EMC3: variants seen among roughly 807,000 people sequenced by gnomAD.
EMC3 encodes ER membrane protein complex subunit 3, also known as 30 kDa protein.
In EMC3, 13 loss-of-function variants were observed where a neutral mutation model predicts 36.6. The observed-to-expected ratio is 0.35, with a 90% CI of 0.23 to 0.56. The LOEUF (loss-of-function observed/expected upper bound fraction) is 0.56, where lower values mean the gene tolerates loss of function less well. EMC3 is among the 20% of genes least tolerant of loss of function. The pLI is 0.84. For missense variants in EMC3, 220 were observed against 324.5 expected, an observed-to-expected ratio of 0.68 and a Z score of 2.47; for synonymous variants, 120 against 111.9, an observed-to-expected ratio of 1.07 and a Z score of -0.46.
chr3:9,970,786 A>C, intron 5 of EMC3, 125 bp from the exon 6 acceptor site: 4 of 797,412 alleles, frequency 5.0e-6, no homozygotes, highest in African/African-American at 3.4e-5. Flanking sequence ...GGCTATATTC[A>C]TCCAAAGCAC....
At chr3:9,966,568 ACT>A (rs1169271369) in intron 7 of EMC3, among the ~76,000 whole-genome samples, 1 of 136,572 alleles carries the variant, frequency 7.3e-6, no homozygotes, top group Non-Finnish European at 1.6e-5. Context: ...GAGTGATCTC[ACT>A]CTGTCACCCA....
At chr3:9,977,702 G>A (rs900959944) in intron 1 of EMC3, among the ~76,000 whole-genome samples, 3 of 152,148 alleles carry the variant, frequency 2.0e-5, no homozygotes, top group Admixed American at 2.0e-4. Context: ...AGGTACATTT[G>A]GGACATTACA....
upstream of EMC3, chr3:9,987,025 C>A (rs1459525749): frequency 3.9e-6 from 4 of 1,022,452 alleles, no homozygotes; most frequent in African/African-American, 3.4e-5. Context: ...ACCATCCTGG[C>A]TAACAGGTGA....
At chr3:10,006,507 A>G (rs2086263286) in intron 1 of EMC3, 1 of 153,730 alleles carries the variant, frequency 6.5e-6, no homozygotes, top group Non-Finnish European at 1.4e-5. Context: ...GGAATGAGGA[A>G]ATCCCACTAC....
At position 9,972,317 on chromosome 3, in the gene EMC3, G is replaced by T. The variant is rs58206922; in HGVS notation, c.494+1311C>A. Among the ~76,000 whole-genome samples, 1,441 of 152,076 alleles carry T rather than the reference G, an allele frequency of 9.5e-3. 23 individuals are homozygous for T. The highest frequency in any genetic ancestry group is 0.032 in the African/African-American group (1,325 of 41,476). On this transcript the variant is annotated intron_variant, in intron 5 of 7. Transcript: ENST00000245046. ...TGGCCAGAATTCCTGGCTTAAACTTGTAACTTTCTGGGGGTTGATACATCC... is the reference window on the plus strand; with the variant it reads ...TGGCCAGAATTCCTGGCTTAAACTTTTAACTTTCTGGGGGTTGATACATCC...
chr3:10,010,973 G>A (rs1283056095), intron 1 of EMC3: 1 of 152,386 alleles, frequency 6.6e-6, no homozygotes, highest in African/African-American at 2.4e-5. Context: ...CCCATGGGAA[G>A]ATCCGGGGGC....
rs889622490 is a variant in EMC3, at chr3:10,008,280, TCTC to T, written c.-242+2740_-242+2742del. The T allele has an allele frequency of 1.8e-5, 12 of 655,732 alleles. 1 individual carries two copies. The highest frequency in any genetic ancestry group is 1.1e-4 in the East Asian group (2 of 18,002). The allele number at this position is 655,732 out of a possible 1,614,324, so 40.6% of individuals were successfully genotyped here. ...CTGTGACCTGTGGTAGAGCTTGACA[TCTC>T]CTCTTCAGAAGCCAGGGCTTCCAGC... On this transcript the variant is annotated intron_variant, in intron 1 of 8. Transcript: ENST00000470827.
At chr3:9,972,834 T>C (rs2085801522) in intron 5 of EMC3, among the ~76,000 whole-genome samples, 1 of 89,046 alleles carries the variant, frequency 1.1e-5, no homozygotes, top group South Asian at 3.8e-4. Flanking sequence ...ATCCTCATCT[T>C]TTTTTTTTTT....
At chr3:9,968,808 C>T (rs542241691) in intron 7 of EMC3, 1 of 149,492 alleles carries the variant, frequency 6.7e-6, no homozygotes, top group East Asian at 1.9e-4. Flanking sequence ...CCGTGCCCAG[C>T]TCATTTTTGT....
chr3:9,999,310 C>T (rs1366339810), intron 1 of EMC3, among the ~76,000 whole-genome samples: 4 of 150,398 alleles, frequency 2.7e-5, no homozygotes, highest in Non-Finnish European at 4.4e-5. Context: ...GGTACGATCT[C>T]GACTCTCTGC....
chr3:9,997,228 CTTCT>C (rs1381902914), intron 1 of EMC3, among the ~76,000 whole-genome samples: 66 of 151,410 alleles, frequency 4.4e-4, no homozygotes, highest in Admixed American at 9.9e-4. Flanking sequence ...TTTTCTTTTC[CTTCT>C]TTCTTTTTTT....
chr3:9,975,327 G>T (rs1342808394), intron 3 of EMC3, among the ~76,000 whole-genome samples: 1 of 152,152 alleles, frequency 6.6e-6, no homozygotes, highest in African/African-American at 2.4e-5. Context: ...TTCCGTAAGA[G>T]AATTTCTTAG....
In EMC3 at chr3:9,963,477, A is replaced by ATATATATATATAT. The variant is rs61596273; in HGVS notation, c.*591_*592insATATATATATATA. 1.1e-4 allele frequency: 10 copies of ATATATATATATAT among 88,930 alleles called. No homozygotes were observed. Among genetic ancestry groups the ATATATATATATAT allele is most frequent in the Non-Finnish European group, 1.7e-4 (8 of 46,272 alleles). 5.5% of individuals were successfully genotyped at this position (88,930 alleles called of 1,614,324 possible). ...TAGATATATATATATATATATATATATTTTTTTTTTTTTTTCAGATGGAGT... is the reference window on the plus strand; with the variant it reads ...TAGATATATATATATATATATATATATATATATATATATTTTTTTTTTTTTTTTCAGATGGAGT... On this transcript the variant is annotated 3_prime_UTR_variant, in exon 8 of 8. Transcript: ENST00000245046.
chr3:10,009,020 C>G (rs2086295079), intron 1 of EMC3: 1 of 154,722 alleles, frequency 6.5e-6, no homozygotes, highest in Non-Finnish European at 1.4e-5. Flanking sequence ...ACTGGTGGGA[C>G]TATCACTAAG....
At chr3:10,000,134 C>T (rs752678289) in intron 1 of EMC3, among the ~76,000 whole-genome samples, 5 of 152,018 alleles carry the variant, frequency 3.3e-5, no homozygotes, top group Non-Finnish European at 7.4e-5. Context: ...CTCTGCCTTC[C>T]GGGTTCAAGC....
At chr3:9,984,894 G>C (rs990868672) in intron 1 of EMC3, among the ~76,000 whole-genome samples, 33 of 152,358 alleles carry the variant, frequency 2.2e-4, no homozygotes, top group African/African-American at 7.9e-4. Flanking sequence ...GGGTGGGATG[G>C]AACTTGTTAA....
chr3:9,973,720 GA>G lies in EMC3; in HGVS notation c.413-12del. The G allele has an allele frequency of 6.2e-7, 1 of 1,612,166 alleles. No homozygotes were observed. Among genetic ancestry groups the G allele is most frequent in the East Asian group, 2.2e-5 (1 of 44,882 alleles). On this transcript the variant is annotated splice_polypyrimidine_tract_variant and intron_variant, in intron 4 of 7. Transcript: ENST00000245046. ...GAAATGGGACCTTGGCTGCAGAGAA[GA>G]AAAAGTTCACAATCACTCTGAGCTG...
chr3:10,007,369 T>A (rs532545667), intron 1 of EMC3: 3 of 1,362,896 alleles, frequency 2.2e-6, no homozygotes, highest in East Asian at 4.6e-5. Flanking sequence ...CCCAGGAGGA[T>A]CCTGAAGCCC....
At chr3:9,990,325 CTT>C (rs4020037), upstream of EMC3, among the ~76,000 whole-genome samples, 2 of 88,680 alleles carry the variant, frequency 2.3e-5, no homozygotes, top group East Asian at 3.1e-4. Context: ...GGGCCTTTCT[CTT>C]TTTTTTTTTT....
Sources: gnomAD v4.1 joint callset for allele counts (sites outside exome capture counted in the v4.1 genomes callset) on GRCh38, gnomAD v4.1.1 for gene constraint, MANE v1.5 for transcripts, NCBI Gene and HGNC (gene_info 2026-07-23, HGNC 2026-07-21) for gene names.